Variants in MYL2 observed in about 807,000 individuals in gnomAD.
The protein encoded by MYL2 is myosin light chain 2, also known as myosin regulatory light chain 2, ventricular/cardiac muscle isoform.
MYL2 carries 19 observed loss-of-function variants against 23.0 expected under a neutral mutation model. The ratio of observed to expected loss-of-function variants is 0.83; its 90% confidence interval spans 0.58 to 1.21. MYL2 has a LOEUF of 1.21. Among genes scored for constraint, MYL2 ranks in the 50% most tolerant of loss-of-function variants. The pLI, the probability that MYL2 is intolerant of heterozygous loss-of-function variation, is 0.00. For missense variants in MYL2, 180 were observed against 215.1 expected, an observed-to-expected ratio of 0.84 and a Z score of 1.02; for synonymous variants, 78 against 76.2, an observed-to-expected ratio of 1.02 and a Z score of -0.13.
chr12:110,914,609 C>T (rs891980367), intron 3 of MYL2, among the ~76,000 whole-genome samples: 1 of 152,150 alleles, frequency 6.6e-6, no homozygotes, highest in Non-Finnish European at 1.5e-5. Flanking sequence ...ACCTCCGCCT[C>T]CCAGGTTCAA....
rs192057022 is a variant in MYL2, at chr12:110,913,139, C to T, written c.359G>A (p.Arg120Gln). ...CTCCGCCTGCGTGGTCAGCATTTCC[C>T]GAACGCTGCAGAGAAAGGAAAGCAG... ...GKGVLKADYV[R>Q]EMLTTQAERF... is the part of the protein sequence containing the mutation. Residue 120 changes from arginine to glutamine, a missense_variant, in exon 6 of 7, where the codon CGG (arginine) becomes CAG (glutamine). Coordinates refer to ENST00000228841, the MANE Select transcript of MYL2 (RefSeq NM_000432.4). 55 of 1,614,200 alleles carry T rather than the reference C, an allele frequency of 3.4e-5. 1 individual carries two copies. The highest frequency in any genetic ancestry group is 3.0e-4 in the Admixed American group (18 of 60,022).
At position 110,910,983 on chromosome 12, in the gene MYL2, A is replaced by T. The variant is rs1592798322; in HGVS notation, c.*94T>A. On this transcript the variant is annotated 3_prime_UTR_variant, in exon 7 of 7. Coordinates refer to ENST00000228841, the MANE Select transcript of MYL2 (RefSeq NM_000432.4). ...AATGGGGCAGCCACATGGCTAACAG[A>T]CAAGGTAGGGACAGAGGCGGTACTC... 8.5e-7 allele frequency: 1 copy of T among 1,174,430 alleles called. No homozygotes were observed. The highest frequency in any genetic ancestry group is 1.5e-5 in the African/African-American group (1 of 66,370). The allele number at this position is 1,174,430 out of a possible 1,614,324, so 72.8% of individuals were successfully genotyped here. A position where few individuals can be genotyped will look rare whatever the true frequency, so the allele number is the denominator to read the frequency against.
At chr12:110,915,006 G>A (rs2071679522) in intron 3 of MYL2, among the ~76,000 whole-genome samples, 1 of 152,228 alleles carries the variant, frequency 6.6e-6, no homozygotes, top group Non-Finnish European at 1.5e-5. Flanking sequence ...CAGCCGTGGA[G>A]GTTCTGATTT....
intron 2 of MYL2, among the ~76,000 whole-genome samples, chr12:110,916,579 G>A (rs187094155): frequency 9.3e-4 from 141 of 152,288 alleles, no homozygotes; most frequent in African/African-American, 3.3e-3. Context: ...ACCACATATT[G>A]TATGATTCAA....
At chr12:110,920,497 A>T in intron 1 of MYL2, 30 bp downstream of exon 1, 1 of 1,614,052 alleles carries the variant, frequency 6.2e-7, no homozygotes, top group East Asian at 2.2e-5. Context: ...CCCACCCGGC[A>T]TCATCACCTC....
intron 3 of MYL2, among the ~76,000 whole-genome samples, chr12:110,915,099 A>G (rs1484373406): frequency 6.6e-6 from 1 of 152,240 alleles, no homozygotes; most frequent in African/African-American, 2.4e-5. Context: ...TGTTTTAAGT[A>G]TAAAAAGCTA....
In MYL2 at chr12:110,916,973, C is replaced by T. The variant is rs376031649; in HGVS notation, c.94-1183G>A. Among the ~76,000 whole-genome samples, 84 of 152,152 alleles carry T rather than the reference C, an allele frequency of 5.5e-4. 2 individuals are homozygous for T. The highest frequency in any genetic ancestry group is 1.0e-3 in the Admixed American group (16 of 15,276). On this transcript the variant is annotated intron_variant, in intron 2 of 6. Transcript: ENST00000228841. ...AAGCGATTCTCCTGCCTCAGCCTCC[C>T]GAGTAGCTGGGAGTATAGACGCGCA...
At position 110,914,239 on chromosome 12, in the gene MYL2, G is replaced by A. The variant is rs942467544; in HGVS notation, c.221C>T (p.Pro74Leu). ...EEIDEMIKEA[P>L]GPINFTVFLT... is the part of the protein sequence containing the mutation. ...GAACACAGTAAAGTTAATTGGACCC[G>A]GAGCCTCCTTGATCATTTCATCAAT... The change falls in exon 4 of 7, where the codon CCG becomes CTG. Residue 74 changes from proline to leucine, a missense_variant. By Grantham distance (98) the Pro-to-Leu change is moderately conservative. Coordinates refer to ENST00000228841, the MANE Select transcript of MYL2 (RefSeq NM_000432.4). The A allele has an allele frequency of 1.2e-5, 20 of 1,613,734 alleles. No individual in the cohort carries two copies. The highest frequency in any genetic ancestry group is 2.2e-5 in the South Asian group (2 of 91,058).
intron 6 of MYL2, among the ~76,000 whole-genome samples, chr12:110,912,427 A>G (rs1400609504): frequency 6.6e-6 from 1 of 152,276 alleles, no homozygotes; most frequent in Admixed American, 6.5e-5. Context: ...CTCACATGAC[A>G]GTATGTGGCG....
intron 6 of MYL2, among the ~76,000 whole-genome samples, chr12:110,912,245 C>G (rs2071657363): frequency 6.6e-6 from 1 of 151,772 alleles, no homozygotes; most frequent in South Asian, 2.1e-4. Flanking sequence ...GAAGCTTTGG[C>G]AAATTAGCAA....
intron 2 of MYL2, among the ~76,000 whole-genome samples, chr12:110,916,428 C>A (rs1400711279): frequency 6.6e-6 from 1 of 152,188 alleles, no homozygotes; most frequent in Non-Finnish European, 1.5e-5. Context: ...CCTACATGTC[C>A]ATCAACTGAT....
At chr12:110,912,000 A>G (rs1396000340) in intron 6 of MYL2, among the ~76,000 whole-genome samples, 1 of 152,186 alleles carries the variant, frequency 6.6e-6, no homozygotes, top group Non-Finnish European at 1.5e-5. Context: ...CACTTTACAG[A>G]TGAGGAAATT....
Position 110,919,102 on chromosome 12 carries a change from ACCT to A in MYL2, c.92_93+1del, listed in dbSNP as rs751392310. ...GGCGGATGATTCAATAGCTGCACCC[ACCT>A]CCTTAAATTCCTGGATTTGGGTCTG... On this transcript the variant is annotated splice_donor_variant and coding_sequence_variant, in exon 2 of 7. Coordinates refer to ENST00000228841, the MANE Select transcript of MYL2 (RefSeq NM_000432.4). LOFTEE classifies it high-confidence loss of function. 9.3e-6 allele frequency: 15 copies of A among 1,613,212 alleles called. No homozygotes were observed. Among genetic ancestry groups the A allele is most frequent in the Non-Finnish European group, 1.3e-5 (15 of 1,179,696 alleles).
At position 110,918,390 on chromosome 12, in the gene MYL2, G is replaced by C. The variant is rs2071699647; in HGVS notation, c.93+714C>G. ...CCTCTCAGACTGGCAAAAAAAAATTGTGACTATTAATACCCAGCGTTGATG... is the reference window on the plus strand; with the variant it reads ...CCTCTCAGACTGGCAAAAAAAAATTCTGACTATTAATACCCAGCGTTGATG... On this transcript the variant is annotated intron_variant, in intron 2 of 6. Transcript: ENST00000228841. The surrounding 1 kb of genome is among the most constrained non-coding windows in gnomAD (Gnocchi z 4.4). Among the ~76,000 whole-genome samples the C allele has an allele frequency of 6.6e-6, 1 of 152,114 alleles. No homozygotes were observed. The highest frequency in any genetic ancestry group is 6.5e-5 in the Admixed American group (1 of 15,272).
chr12:110,919,316 G>A lies in MYL2; in HGVS notation c.4-123C>T, dbSNP rs558571538. The A allele has an allele frequency of 5.9e-3, 4,464 of 753,354 alleles. 15 individuals carry two copies. Among genetic ancestry groups the A allele is most frequent in the Non-Finnish European group, 8.2e-3 (3,708 of 454,554 alleles). 46.7% of individuals were successfully genotyped at this position (753,354 alleles called of 1,614,324 possible). On this transcript the variant is annotated intron_variant, in intron 1 of 6. Transcript: ENST00000228841. ...TCAGCTGCCCATCTGTGAAATGTGG[G>A]TACAGCATCCACACTCAGGTCTCCA...
At chr12:110,913,179 T>C (rs749853792) in intron 5 of MYL2, 35 bp from the exon 6 acceptor site, 1 of 1,611,418 alleles carries the variant, frequency 6.2e-7, no homozygotes, top group African/African-American at 1.3e-5. Context: ...TGGTGTCAGT[T>C]GTGTGTGTGT....
chr12:110,917,199 CCTGA>C (rs1194844664), intron 2 of MYL2, among the ~76,000 whole-genome samples: 3 of 152,088 alleles, frequency 2.0e-5, no homozygotes, highest in African/African-American at 7.2e-5. Context: ...TGAGAATCTC[CCTGA>C]CTGTCAGCTG....
At chr12:110,912,170 A>C (rs2071656913) in intron 6 of MYL2, among the ~76,000 whole-genome samples, 1 of 152,166 alleles carries the variant, frequency 6.6e-6, no homozygotes, top group African/African-American at 2.4e-5. Context: ...CTATGAGGGG[A>C]GCATTTAAAA....
intron 2 of MYL2, among the ~76,000 whole-genome samples, chr12:110,917,795 A>C (rs1025585838): frequency 6.6e-6 from 1 of 152,114 alleles, no homozygotes; most frequent in Non-Finnish European, 1.5e-5. Flanking sequence ...GATATAAAGC[A>C]CACTAGGGCA....
Sources: gnomAD v4.1 joint callset for allele counts (sites outside exome capture counted in the v4.1 genomes callset) on GRCh38, gnomAD v4.1.1 for gene constraint, Gnocchi (gnomAD v3.1) non-coding constraint, MANE v1.5 for transcripts, NCBI Gene and HGNC (gene_info 2026-07-23, HGNC 2026-07-21) for gene names.